The following TTC28 variants were observed in gnomAD, a reference collection of about 807,000 sequenced individuals.
The protein encoded by TTC28 is tetratricopeptide repeat domain 28, also known as tetratricopeptide repeat protein 28.
Under a neutral mutation model 198.0 loss-of-function variants are expected in TTC28, and 61 were observed. The ratio of observed to expected loss-of-function variants is 0.31; its 90% CI spans 0.25 to 0.38. The LOEUF (loss-of-function observed/expected upper bound fraction) is 0.38, where lower values mean the gene tolerates loss of function less well. TTC28 is among the 10% of genes least tolerant of loss of function. The pLI is 1.00. For synonymous variants in TTC28, 1,171 were observed against 1,297.8 expected, an observed-to-expected ratio of 0.90 and a Z score of 2.10; for missense variants, 2,678 against 3,164.0, an observed-to-expected ratio of 0.85 and a Z score of 3.69.
chr22:28,199,692 C>T (rs1925753857), intron 5 of TTC28, among the ~76,000 whole-genome samples: 1 of 151,666 alleles, frequency 6.6e-6, no homozygotes, highest in African/African-American at 2.4e-5. Context: ...AGACAGTTAT[C>T]TGTAGCAGGA....
chr22:27,990,760 C>T (rs1937372521), intron 20 of TTC28, 29 bp downstream of exon 20: 18 of 1,549,266 alleles, frequency 1.2e-5, no homozygotes, highest in Non-Finnish European at 1.5e-5. Context: ...GCTCACCTGA[C>T]AACAGTTGCT....
At chr22:28,274,212 C>T (rs952781153) in intron 5 of TTC28, among the ~76,000 whole-genome samples, 8 of 152,114 alleles carry the variant, frequency 5.3e-5, no homozygotes, top group African/African-American at 1.9e-4. Flanking sequence ...TTCTGATATG[C>T]AGAGAGGGTA....
intron 2 of TTC28, among the ~76,000 whole-genome samples, chr22:28,553,136 G>A (rs907199584): frequency 1.4e-4 from 21 of 152,210 alleles, no homozygotes; most frequent in Admixed American, 1.2e-3. Context: ...TCCGCTCGCT[G>A]CAACCTCTAC....
chr22:28,423,418 C>CAAA (rs2047294565), intron 2 of TTC28, among the ~76,000 whole-genome samples: 2 of 151,808 alleles, frequency 1.3e-5, no homozygotes, highest in South Asian at 4.2e-4. Flanking sequence ...AAAAAGAAAA[C>CAAA]AACAACAACA....
At chr22:28,012,256 G>A (rs1343989900) in intron 14 of TTC28, among the ~76,000 whole-genome samples, 1 of 152,206 alleles carries the variant, frequency 6.6e-6, no homozygotes, top group African/African-American at 2.4e-5. Context: ...AGAATTCTCT[G>A]CAGTTTTGGT....
chr22:28,495,454 C>T lies in TTC28; in HGVS notation c.381+134098G>A, dbSNP rs147129612. Among the ~76,000 whole-genome samples, 221 of 152,232 alleles carry T rather than the reference C, an allele frequency of 1.5e-3. 1 individual carries two copies. The highest frequency in any genetic ancestry group is 5.2e-3 in the African/African-American group (216 of 41,550). On this transcript the variant is annotated intron_variant, in intron 2 of 22. Transcript: ENST00000397906. ...CAGAGGGGAAAATTATTCCCAACCT[C>T]GAGTACTACAATCATTCAAACTATT...
At position 28,014,283 on chromosome 22, in the gene TTC28, C is replaced by G. The variant is rs1174356771; in HGVS notation, c.4183G>C (p.Ala1395Pro). ...QSSFAKPPLR[A>P]LYDLLIAPME... The stretch of plus-strand genomic sequence containing the variant: ...GGCGCGATGAGCAGGTCATACAGGG[C>G]ACGGAGCGGGGGCTTGGCAAACGAG... The change falls in exon 14 of 23, where the codon GCC becomes CCC. Residue 1395 changes from alanine to proline, a missense_variant. Coordinates refer to ENST00000397906, the MANE Select transcript of TTC28 (RefSeq NM_001145418.2). The G allele has an allele frequency of 6.4e-7, 1 of 1,551,640 alleles. No individual in the cohort carries two copies. Among genetic ancestry groups the G allele is most frequent in the Admixed American group, 2.0e-5 (1 of 50,998 alleles).
chr22:28,571,905 C>T (rs970686439), intron 2 of TTC28, among the ~76,000 whole-genome samples: 1 of 149,210 alleles, frequency 6.7e-6, no homozygotes, highest in African/African-American at 2.5e-5. Context: ...GCTGAGATCA[C>T]GCCATTGCAC....
At chr22:28,650,843 C>T (rs1277990899) in intron 1 of TTC28, among the ~76,000 whole-genome samples, 2 of 152,156 alleles carry the variant, frequency 1.3e-5, no homozygotes, top group Non-Finnish European at 2.9e-5. Context: ...GTAGTCTAAC[C>T]TCTCCTCTCA....
chr22:28,012,287 G>A (rs1198733151), intron 14 of TTC28, among the ~76,000 whole-genome samples: 3 of 152,180 alleles, frequency 2.0e-5, no homozygotes, highest in Non-Finnish European at 4.4e-5. Context: ...AAAGGAGGAC[G>A]CAGGAGAGGG....
At chr22:28,386,112 T>TA (rs887606416) in intron 2 of TTC28, among the ~76,000 whole-genome samples, 2 of 150,074 alleles carry the variant, frequency 1.3e-5, no homozygotes, top group African/African-American at 4.9e-5. Context: ...CCGTCTCTAC[T>TA]AAAACTACAA....
chr22:28,522,016 A>G (rs1029359585), intron 2 of TTC28, among the ~76,000 whole-genome samples: 7 of 152,204 alleles, frequency 4.6e-5, no homozygotes, highest in South Asian at 4.1e-4. Context: ...CTAGAAGATA[A>G]CACTGTCTGT....
At chr22:28,173,240 C>G (rs1182841313) in intron 5 of TTC28, among the ~76,000 whole-genome samples, 1 of 152,116 alleles carries the variant, frequency 6.6e-6, no homozygotes, top group African/African-American at 2.4e-5. Context: ...TGTCTTTGTT[C>G]CTGTTCCTGT....
chr22:28,608,833 G>A (rs73430186), intron 2 of TTC28, among the ~76,000 whole-genome samples: 15,128 of 152,216 alleles, frequency 0.099, 859 homozygotes, highest in African/African-American at 0.12. Flanking sequence ...GCAGACTTCA[G>A]TAGATACACA....
chr22:28,600,088 C>T (rs1372049838), intron 2 of TTC28, among the ~76,000 whole-genome samples: 2 of 152,126 alleles, frequency 1.3e-5, no homozygotes, highest in East Asian at 3.8e-4. Flanking sequence ...AATCTTGTTG[C>T]TTAGTCTTTA....
chr22:28,020,472 G>A (rs545911378), intron 13 of TTC28, among the ~76,000 whole-genome samples: 2 of 152,208 alleles, frequency 1.3e-5, no homozygotes, highest in Non-Finnish European at 2.9e-5. Context: ...AGCAGCCAAG[G>A]GGCAGAGGGG....
Position 28,218,963 on chromosome 22 carries a change from A to G in TTC28, c.934-55364T>C, listed in dbSNP as rs115930893. On this transcript the variant is annotated intron_variant, in intron 5 of 22. Coordinates refer to ENST00000397906, the MANE Select transcript of TTC28 (RefSeq NM_001145418.2). ...AGTGCAAACACCAACACAGTAAAAA[A>G]AAAAAAAAGACAAATAATATCTTAG... 8.8e-3 allele frequency among the ~76,000 whole-genome samples: 1,343 copies of G among 152,200 alleles called. 17 individuals carry two copies. Among genetic ancestry groups the G allele is most frequent in the African/African-American group, 0.031 (1,271 of 41,522 alleles).
chr22:28,502,892 C>T (rs1274351526), intron 2 of TTC28, among the ~76,000 whole-genome samples: 1 of 152,138 alleles, frequency 6.6e-6, no homozygotes, highest in African/African-American at 2.4e-5. Context: ...CCACACTACC[C>T]ACAAGAGTCC....
intron 16 of TTC28, among the ~76,000 whole-genome samples, chr22:27,996,697 C>T (rs571215591): frequency 2.6e-5 from 4 of 152,174 alleles, no homozygotes; most frequent in Admixed American, 1.3e-4. Flanking sequence ...AAACCAAGTT[C>T]GGCTGGGAAA....
Sources: gnomAD v4.1 joint callset for allele counts (sites outside exome capture counted in the v4.1 genomes callset) on GRCh38, gnomAD v4.1.1 for gene constraint, MANE v1.5 for transcripts, NCBI Gene and HGNC (gene_info 2026-07-23, HGNC 2026-07-21) for gene names.